Variants in IKZF3 observed in about 807,000 individuals in gnomAD.
IKZF3 encodes IKAROS family zinc finger 3.
Under a neutral mutation model 49.0 loss-of-function variants are expected in IKZF3, and 10 were observed. That is an observed-to-expected ratio of 0.20 (90% confidence interval 0.13 to 0.35). The LOEUF (loss-of-function observed/expected upper bound fraction) is 0.35, where lower values mean the gene tolerates loss of function less well. Among genes scored for constraint, IKZF3 ranks in the 10% least tolerant of loss-of-function variants. The pLI is 1.00. For synonymous variants in IKZF3, 209 were observed against 228.2 expected, an observed-to-expected ratio of 0.92 and a Z score of 0.76; for missense variants, 498 against 664.8, an observed-to-expected ratio of 0.75 and a Z score of 2.76.
rs71152603 is a variant in IKZF3, at chr17:39,811,235, T to TGAAAGAAAGAAAGAAAGAAAGAAAGAAA, written c.163+18151_163+18152insTTTCTTTCTTTCTTTCTTTCTTTCTTTC. On this transcript the variant is annotated intron_variant, in intron 3 of 7. Transcript: ENST00000346872. ...CTGGACAGCAGAGCAAGACCCTGTC[T>TGAAAGAAAGAAAGAAAGAAAGAAAGAAA]GAAAGAAAGAAAGAAAGAGAGGGAG... is the stretch of plus-strand genomic sequence containing the variant. 3.7e-3 allele frequency among the ~76,000 whole-genome samples: 529 copies of TGAAAGAAAGAAAGAAAGAAAGAAAGAAA among 141,430 alleles called. 8 individuals are homozygous for TGAAAGAAAGAAAGAAAGAAAGAAAGAAA. Among genetic ancestry groups the TGAAAGAAAGAAAGAAAGAAAGAAAGAAA allele is most frequent in the African/African-American group, 0.01 (377 of 36,522 alleles). 92.8% of individuals were successfully genotyped at this position (141,430 alleles called of 152,430 possible). A position where few individuals can be genotyped will look rare whatever the true frequency, so the allele number is the denominator to read the frequency against.
chr17:39,770,808 CTTT>C (rs35880653), intron 7 of IKZF3, among the ~76,000 whole-genome samples: 1 of 136,854 alleles, frequency 7.3e-6, no homozygotes. Context: ...GGGGTTGATA[CTTT>C]TTTTTTTTTT....
chr17:39,840,985 T>C (rs1298815039), intron 1 of IKZF3, among the ~76,000 whole-genome samples: 2 of 152,138 alleles, frequency 1.3e-5, no homozygotes, highest in Non-Finnish European at 2.9e-5. Flanking sequence ...AAGACCAGCC[T>C]GGGCAACATG....
At chr17:39,825,159 A>G (rs898503124) in intron 3 of IKZF3, among the ~76,000 whole-genome samples, 12 of 152,204 alleles carry the variant, frequency 7.9e-5, no homozygotes, top group Non-Finnish European at 1.6e-4. Flanking sequence ...TAAATTGCCC[A>G]ATCTTGGGTA....
In IKZF3 at chr17:39,829,279, A is replaced by G. The variant is rs57870574; in HGVS notation, c.163+108T>C. On this transcript the variant is annotated intron_variant, in intron 3 of 7. Transcript: ENST00000346872. The stretch of plus-strand genomic sequence containing the variant: ...AAATTAACAAAACAGAATCACTCCT[A>G]ACTAAACCTACAATTGCAAGTTTTC... 841 of 743,490 alleles carry G rather than the reference A, an allele frequency of 1.1e-3. 9 individuals are homozygous for G. In the African/African-American group the frequency reaches 0.013, roughly 11 times the overall value. The allele number at this position is 743,490 out of a possible 1,614,324, so 46.1% of individuals were successfully genotyped here.
chr17:39,806,564 C>G (rs969324925), intron 3 of IKZF3, among the ~76,000 whole-genome samples: 9 of 152,066 alleles, frequency 5.9e-5, no homozygotes, highest in African/African-American at 2.2e-4. Context: ...GCTAGAATGG[C>G]TACTATAAAA....
intron 6 of IKZF3, among the ~76,000 whole-genome samples, chr17:39,785,352 A>AAAAATC (rs1389171463): frequency 1.3e-5 from 2 of 152,226 alleles, no homozygotes; most frequent in Non-Finnish European, 2.9e-5. Flanking sequence ...TGTTTGAAAA[A>AAAAATC]AAAATCAAAA....
At chr17:39,826,619 T>C (rs1161433146) in intron 3 of IKZF3, among the ~76,000 whole-genome samples, 1 of 152,192 alleles carries the variant, frequency 6.6e-6, no homozygotes, top group South Asian at 2.1e-4. Context: ...GAAATCACTA[T>C]GGGAATTTGA....
intron 1 of IKZF3, among the ~76,000 whole-genome samples, chr17:39,844,377 T>A (rs1341200315): frequency 6.6e-6 from 1 of 152,214 alleles, no homozygotes; most frequent in African/African-American, 2.4e-5. Context: ...GAAAGCATGC[T>A]CCTGCCTCAA....
In IKZF3 at chr17:39,766,320, T is replaced by C. The variant is rs773046072; in HGVS notation, c.1000A>G (p.Met334Val). 1.9e-6 allele frequency: 3 copies of C among 1,613,994 alleles called. No individual in the cohort carries two copies. Among genetic ancestry groups the C allele is most frequent in the South Asian group, 1.1e-5 (1 of 91,080 alleles). ...VQTPPAPTSE[M>V]VPVISSMYPI... ...TACATGCTGCTGATAACTGGAACCA[T>C]CTCCGAGGTGGGAGCAGGCGGTGTC... The change falls in exon 8 of 8, where the codon ATG becomes GTG. Residue 334 changes from methionine to valine, a missense_variant. Coordinates refer to ENST00000346872, the MANE Select transcript of IKZF3 (RefSeq NM_012481.5).
In IKZF3 at chr17:39,850,907, G is replaced by A. The variant is rs941287296; in HGVS notation, c.7+13213C>T. On this transcript the variant is annotated intron_variant, in intron 1 of 7. Coordinates refer to ENST00000346872, the MANE Select transcript of IKZF3 (RefSeq NM_012481.5). ...ATACTCTATAGTATATATTATATAC[G>A]TATATTATATATACATATATTATAT... Among the ~76,000 whole-genome samples the A allele has an allele frequency of 1.6e-3, 176 of 111,180 alleles. 1 individual carries two copies. The highest frequency in any genetic ancestry group is 5.0e-3 in the African/African-American group (154 of 30,584). The allele number at this position is 111,180 out of a possible 152,430, so 72.9% of individuals were successfully genotyped here.
At chr17:39,825,515 G>T (rs993308571) in intron 3 of IKZF3, among the ~76,000 whole-genome samples, 1 of 152,138 alleles carries the variant, frequency 6.6e-6, no homozygotes, top group Non-Finnish European at 1.5e-5. Flanking sequence ...TAATAATTCT[G>T]GTGGGCTCTA....
chr17:39,774,541 C>T (rs958171603), intron 7 of IKZF3, among the ~76,000 whole-genome samples: 2 of 152,062 alleles, frequency 1.3e-5, no homozygotes, highest in Admixed American at 6.6e-5. Context: ...TTTCTCCCTC[C>T]GTTGACATTA....
chr17:39,806,113 T>C (rs891937085), intron 3 of IKZF3, among the ~76,000 whole-genome samples: 2 of 152,248 alleles, frequency 1.3e-5, no homozygotes, highest in African/African-American at 4.8e-5. Context: ...ACTAGCTGTG[T>C]GACCTCAGCA....
chr17:39,802,009 G>A (rs146823329), intron 3 of IKZF3, among the ~76,000 whole-genome samples: 5,380 of 151,890 alleles, frequency 0.035, 332 homozygotes, highest in African/African-American at 0.12. Context: ...GGCGGATCAC[G>A]AGATCAGGAG....
chr17:39,792,304 T>G (rs1245821785), intron 4 of IKZF3, among the ~76,000 whole-genome samples: 3 of 152,218 alleles, frequency 2.0e-5, no homozygotes, highest in African/African-American at 7.2e-5. Context: ...TTTACCAAAT[T>G]TGAACCCAAT....
intron 1 of IKZF3, among the ~76,000 whole-genome samples, chr17:39,840,698 A>G (rs1369314392): frequency 6.6e-6 from 1 of 152,266 alleles, no homozygotes; most frequent in African/African-American, 2.4e-5. Context: ...GCAACAAAGC[A>G]TAAAGGCAGG....
At chr17:39,863,944 C>G (rs2063290633) in intron 1 of IKZF3, among the ~76,000 whole-genome samples, 176 bp downstream of exon 1, 1 of 152,206 alleles carries the variant, frequency 6.6e-6, no homozygotes, top group South Asian at 2.1e-4. Context: ...GGGGGAAGGA[C>G]AAGTGAGAGA....
chr17:39,782,177 T>C (rs1292406691), intron 6 of IKZF3, among the ~76,000 whole-genome samples: 1 of 152,224 alleles, frequency 6.6e-6, no homozygotes, highest in Non-Finnish European at 1.5e-5. Context: ...ACTCATTTTC[T>C]TTCCTAAACT....
Position 39,829,451 on chromosome 17 carries a change from T to C in IKZF3, c.99A>G (p.Lys33=). Residue 33 remains lysine (K), a synonymous_variant, in exon 3 of 8, where the codon AAA becomes AAG. Coordinates refer to ENST00000346872, the MANE Select transcript of IKZF3 (RefSeq NM_012481.5). ...AAVLNDYSLT[K]SHEMENVDSG... is the part of the protein sequence containing the mutation. Reference sequence around the variant, plus strand: ...TGTCCACATTTTCCATTTCATGAGATTTGGTTAAACTGTAGTCATTCAAAA... The same window carrying C: ...TGTCCACATTTTCCATTTCATGAGACTTGGTTAAACTGTAGTCATTCAAAA... 1.2e-6 allele frequency: 2 copies of C among 1,614,074 alleles called. No homozygotes were observed. The highest frequency in any genetic ancestry group is 1.7e-6 in the Non-Finnish European group (2 of 1,179,940).
Sources: allele counts gnomAD v4.1 joint callset (sites outside exome capture counted in the v4.1 genomes callset), GRCh38; gene constraint gnomAD v4.1.1; transcripts MANE v1.5; gene names NCBI Gene and HGNC (gene_info 2026-07-23, HGNC 2026-07-21).